Variants in GRIN2B observed in about 807,000 individuals in gnomAD.
GRIN2B encodes the protein glutamate receptor ionotropic, NMDA 2B.
GRIN2B carries 5 observed loss-of-function variants against 114.5 expected under a neutral mutation model. That is an observed-to-expected ratio of 0.04 (90% CI 0.02 to 0.09). The LOEUF (loss-of-function observed/expected upper bound fraction) is 0.09. Ranked by LOEUF, GRIN2B falls within the 10% of genes least tolerant of loss-of-function variation. GRIN2B has a pLI of 1.00. For synonymous variants in GRIN2B, 787 were observed against 745.1 expected (o/e 1.06, Z -0.92); for missense variants, 1,108 against 1,943.5 (o/e 0.57, Z 8.08).
intron 2 of GRIN2B, among the ~76,000 whole-genome samples, chr12:13,962,085 TACATACACAC>T (rs1867702298): frequency 5.0e-5 from 3 of 60,352 alleles, no homozygotes; most frequent in African/African-American, 1.7e-4. Context: ...GTCTCTCTCA[TACATACACAC>T]ACACACACAC....
intron 3 of GRIN2B, among the ~76,000 whole-genome samples, chr12:13,833,945 G>T (rs1446638668): frequency 2.6e-5 from 4 of 151,180 alleles, no homozygotes; most frequent in African/African-American, 9.7e-5. Flanking sequence ...AAAGCTTGCT[G>T]CCTCGTGATG....
chr12:13,898,344 A>G (rs1207861386), intron 2 of GRIN2B, among the ~76,000 whole-genome samples: 1 of 152,382 alleles, frequency 6.6e-6, no homozygotes, highest in East Asian at 1.9e-4. Context: ...TGATTTACAC[A>G]TATAACTGCA....
chr12:13,722,110 T>A (rs561417120), intron 4 of GRIN2B, among the ~76,000 whole-genome samples: 9 of 152,202 alleles, frequency 5.9e-5, no homozygotes, highest in African/African-American at 2.2e-4. Context: ...ACAGTATGAA[T>A]GGACATCTGA....
chr12:13,618,133 G>A (rs932966037), intron 5 of GRIN2B, among the ~76,000 whole-genome samples: 6 of 152,172 alleles, frequency 3.9e-5, no homozygotes, highest in East Asian at 3.8e-4. Context: ...GAACAAGTCC[G>A]TTTTTTCTCA....
intron 9 of GRIN2B, among the ~76,000 whole-genome samples, chr12:13,610,845 T>A (rs925484635): frequency 6.6e-6 from 1 of 152,136 alleles, no homozygotes; most frequent in Non-Finnish European, 1.5e-5. Flanking sequence ...GAAAATGAGG[T>A]CCAAGCACCT....
intron 5 of GRIN2B, among the ~76,000 whole-genome samples, chr12:13,617,219 A>G (rs1030481226): frequency 7.9e-5 from 12 of 152,250 alleles, no homozygotes; most frequent in African/African-American, 2.9e-4. Context: ...TTGGAATAAA[A>G]TTACAAATTG....
At chr12:13,689,516 C>T (rs990482157) in intron 4 of GRIN2B, among the ~76,000 whole-genome samples, 10 of 152,104 alleles carry the variant, frequency 6.6e-5, no homozygotes, top group Admixed American at 5.2e-4. Context: ...TTTTCTACTC[C>T]CTAAATGTTT....
chr12:13,805,579 T>G (rs1413315893), intron 3 of GRIN2B, among the ~76,000 whole-genome samples: 1 of 152,152 alleles, frequency 6.6e-6, no homozygotes, highest in Non-Finnish European at 1.5e-5. Flanking sequence ...CAACAAATAT[T>G]GAATTCAAAT....
chr12:13,740,333 G>A (rs1182274328), intron 4 of GRIN2B, among the ~76,000 whole-genome samples: 9 of 152,138 alleles, frequency 5.9e-5, no homozygotes, highest in Admixed American at 4.6e-4. Flanking sequence ...TGTATTGTCC[G>A]TATTCCCGGC....
intron 10 of GRIN2B, among the ~76,000 whole-genome samples, chr12:13,593,186 GA>G (rs1949030451): frequency 6.6e-6 from 1 of 152,070 alleles, no homozygotes; most frequent in Non-Finnish European, 1.5e-5. Flanking sequence ...CACAGAATTG[GA>G]AAAAACTACT....
At chr12:13,833,102 C>G (rs751602483) in intron 3 of GRIN2B, among the ~76,000 whole-genome samples, 37 of 152,184 alleles carry the variant, frequency 2.4e-4, no homozygotes, top group Non-Finnish European at 5.0e-4. Context: ...TTGGAAGCTT[C>G]TTGAGAACAG....
rs1369154889 is a variant in GRIN2B, at chr12:13,556,674, T to C, written c.*6109A>G. Reference sequence around the variant, plus strand: ...TACCTTAATTCTTGCACTGAGTTCTTTCACCTTCTCCAAAACACAGATTCT... The same window carrying C: ...TACCTTAATTCTTGCACTGAGTTCTCTCACCTTCTCCAAAACACAGATTCT... On this transcript the variant is annotated 3_prime_UTR_variant, in exon 14 of 14. Coordinates refer to ENST00000609686, the MANE Select transcript of GRIN2B (RefSeq NM_000834.5). 1 of 152,134 alleles carries C rather than the reference T, an allele frequency of 6.6e-6. No individual in the cohort carries two copies. Among genetic ancestry groups the C allele is most frequent in the African/African-American group, 2.4e-5 (1 of 41,404 alleles). 9.4% of individuals were successfully genotyped at this position (152,134 alleles called of 1,614,324 possible). A position where few individuals can be genotyped will look rare whatever the true frequency, so the allele number is the denominator to read the frequency against.
intron 4 of GRIN2B, among the ~76,000 whole-genome samples, chr12:13,691,767 C>T (rs2066390621): frequency 6.6e-6 from 1 of 152,086 alleles, no homozygotes. Flanking sequence ...AAACAGCATG[C>T]AGCATGCTGG....
chr12:13,827,994 T>C (rs1187400540), intron 3 of GRIN2B, among the ~76,000 whole-genome samples: 1 of 152,262 alleles, frequency 6.6e-6, no homozygotes, highest in Non-Finnish European at 1.5e-5. Context: ...ATAGGTCTTT[T>C]AATATTCTTT....
intron 2 of GRIN2B, among the ~76,000 whole-genome samples, chr12:13,907,603 T>C (rs1054823721): frequency 3.9e-5 from 6 of 152,126 alleles, no homozygotes; most frequent in African/African-American, 1.4e-4. Flanking sequence ...GAAGTCTGAA[T>C]AGTGGTTATA....
At chr12:13,663,728 G>A (rs994024350) in intron 5 of GRIN2B, among the ~76,000 whole-genome samples, 2 of 152,120 alleles carry the variant, frequency 1.3e-5, no homozygotes, top group African/African-American at 4.8e-5. Flanking sequence ...CTGTTTTCTA[G>A]TTTCTTCCTG....
chr12:13,674,983 G>C (rs1037050921), intron 5 of GRIN2B, among the ~76,000 whole-genome samples: 4 of 152,070 alleles, frequency 2.6e-5, no homozygotes, highest in African/African-American at 7.2e-5. Context: ...AACATATTTG[G>C]AGAAAAATCA....
At chr12:13,813,959 A>G (rs1002080528) in intron 3 of GRIN2B, among the ~76,000 whole-genome samples, 1 of 152,224 alleles carries the variant, frequency 6.6e-6, no homozygotes, top group African/African-American at 2.4e-5. Flanking sequence ...ATTCTCATGC[A>G]TCATCATGGA....
intron 4 of GRIN2B, among the ~76,000 whole-genome samples, chr12:13,688,277 C>T (rs529548615): frequency 6.6e-6 from 1 of 152,236 alleles, no homozygotes; most frequent in South Asian, 2.1e-4. Flanking sequence ...TGGCTCCAAG[C>T]CCTAGGCTCT....
Sources: gnomAD v4.1 joint callset for allele counts (sites outside exome capture counted in the v4.1 genomes callset) on GRCh38, gnomAD v4.1.1 for gene constraint, MANE v1.5 for transcripts, NCBI Gene and HGNC (gene_info 2026-07-23, HGNC 2026-07-21) for gene names.